SLC38A6: variants seen among roughly 807,000 people sequenced by gnomAD.
SLC38A6 encodes the protein N system amino acid transporter NAT-1.
A neutral mutation model predicts 65.0 loss-of-function variants in SLC38A6; 73 were observed. The observed-to-expected ratio is 1.12, with a 90% CI of 0.93 to 1.37. The LOEUF (loss-of-function observed/expected upper bound fraction) is 1.37. SLC38A6 is among the 40% of genes most tolerant of loss of function. The pLI, the probability that SLC38A6 is intolerant of heterozygous loss-of-function variation, is 0.00. For missense variants in SLC38A6, 561 were observed against 531.1 expected (o/e 1.06, Z -0.55); for synonymous variants, 183 against 178.8 (o/e 1.02, Z -0.19).
chr14:61,013,677 GA>G (rs2039760769), intron 3 of SLC38A6, among the ~76,000 whole-genome samples: 1 of 152,188 alleles, frequency 6.6e-6, no homozygotes, highest in African/African-American at 2.4e-5. Flanking sequence ...ATTCTGGGTT[GA>G]AAATTCTTTT....
At chr14:61,035,978 C>T (rs1247748677) in intron 6 of SLC38A6, among the ~76,000 whole-genome samples, 1 of 151,700 alleles carries the variant, frequency 6.6e-6, no homozygotes, top group East Asian at 1.9e-4. Context: ...GTTAACCTAC[C>T]TTTTTCTCAT....
chr14:60,981,907 T>C (rs2037065699), intron 1 of SLC38A6, among the ~76,000 whole-genome samples: 1 of 152,170 alleles, frequency 6.6e-6, no homozygotes, highest in Non-Finnish European at 1.5e-5. Context: ...GCTTTTTAAC[T>C]CGAGTCCTAG....
At chr14:60,992,974 GT>G (rs1225541102) in intron 3 of SLC38A6, among the ~76,000 whole-genome samples, 1 of 151,850 alleles carries the variant, frequency 6.6e-6, no homozygotes, top group Non-Finnish European at 1.5e-5. Flanking sequence ...AGCCTCCCAA[GT>G]AGCTGGGATT....
chr14:61,081,463 T>A (rs764017362), intron 16 of SLC38A6, among the ~76,000 whole-genome samples: 4 of 152,166 alleles, frequency 2.6e-5, no homozygotes, highest in Non-Finnish European at 4.4e-5. Flanking sequence ...GGTGGTTAGA[T>A]CACCAGAGGT....
intron 3 of SLC38A6, among the ~76,000 whole-genome samples, chr14:60,997,917 A>G (rs747774463): frequency 7.2e-5 from 11 of 152,160 alleles, no homozygotes; most frequent in Non-Finnish European, 1.2e-4. Flanking sequence ...ATGTAGGTGG[A>G]CAAGGCTTAG....
intron 3 of SLC38A6, among the ~76,000 whole-genome samples, chr14:61,007,918 A>T (rs1490090456): frequency 6.6e-6 from 1 of 152,124 alleles, no homozygotes; most frequent in African/African-American, 2.4e-5. Context: ...GATTAAAATA[A>T]TTACTAATTT....
At chr14:61,016,557 T>A (rs911639978) in intron 4 of SLC38A6, among the ~76,000 whole-genome samples, 2 of 152,204 alleles carry the variant, frequency 1.3e-5, no homozygotes, top group South Asian at 4.1e-4. Context: ...GCAGTATTTA[T>A]GGGGCACCCA....
chr14:61,035,456 A>G lies in SLC38A6; in HGVS notation c.483-1603A>G, dbSNP rs11627599. 3.7e-3 allele frequency among the ~76,000 whole-genome samples: 562 copies of G among 152,174 alleles called. 3 individuals are homozygous for G. The highest frequency in any genetic ancestry group is 5.9e-3 in the Non-Finnish European group (404 of 67,986). On this transcript the variant is annotated intron_variant, in intron 6 of 15. Coordinates refer to ENST00000267488, the MANE Select transcript of SLC38A6 (RefSeq NM_153811.3). ...ATATTTTCAAATGTTGGGTATATAG[A>G]GTTTTCCTCCAGCTTCTCAATATTA...
rs200507331 is a variant in SLC38A6 at position 61,006,326 on chromosome 14, ATGAGATCTAATTAAAC to A, written c.311-9576_311-9561del. Among the ~76,000 whole-genome samples, 20 of 152,356 alleles carry A rather than the reference ATGAGATCTAATTAAAC, an allele frequency of 1.3e-4. No homozygotes were observed. In the East Asian group the frequency reaches 2.9e-3, roughly 22 times the overall value. The stretch of plus-strand genomic sequence containing the variant: ...TGGCAACAAAAGCCAAAATTGACAA[ATGAGATCTAATTAAAC>A]TAAAGAGCTTCTTCACAGCAAAAGA... On this transcript the variant is annotated intron_variant, in intron 3 of 15. Coordinates refer to ENST00000267488, the MANE Select transcript of SLC38A6 (RefSeq NM_153811.3).
chr14:60,981,281 G>T lies in SLC38A6; in HGVS notation c.4G>T (p.Glu2Ter). M[E>*]ASWGSFNAER... ...TGGTAGTCAGCTGGAGAGCAGCATG[G>T]AGGCGTCCTGGGGGAGCTTCAACGC... Residue 2 changes from glutamate to a stop codon, truncating the protein, a stop_gained, in exon 1 of 16, where the codon GAG becomes TAG. Transcript: ENST00000267488. LOFTEE classifies it high-confidence loss of function. 1 of 1,603,434 alleles carries T rather than the reference G, an allele frequency of 6.2e-7. No individual in the cohort carries two copies. The highest frequency in any genetic ancestry group is 8.5e-7 in the Non-Finnish European group (1 of 1,175,244).
chr14:61,066,547 G>C (rs548700847), intron 15 of SLC38A6, among the ~76,000 whole-genome samples: 1 of 152,046 alleles, frequency 6.6e-6, no homozygotes, highest in Non-Finnish European at 1.5e-5. Flanking sequence ...TGGATGAAAA[G>C]ACATTGTAAT....
rs763092881 is a variant in SLC38A6 at position 60,984,814 on chromosome 14, A to G, written c.310+11A>G. 1 of 1,612,154 alleles carries G rather than the reference A, an allele frequency of 6.2e-7. No homozygotes were observed. ...TGTGTATTCAGACAGGTGAGTAAAAATGTTATGCTGCTTCATTTAATAAAG... is the reference window on the plus strand; with the variant it reads ...TGTGTATTCAGACAGGTGAGTAAAAGTGTTATGCTGCTTCATTTAATAAAG... On this transcript the variant is annotated intron_variant, in intron 3 of 15. Transcript: ENST00000267488.
At chr14:60,989,949 C>T (rs1436911649) in intron 3 of SLC38A6, among the ~76,000 whole-genome samples, 1 of 152,130 alleles carries the variant, frequency 6.6e-6, no homozygotes, top group Non-Finnish European at 1.5e-5. Context: ...CTTTTCTCTT[C>T]TGTTGAATTC....
chr14:61,045,139 G>A (rs1403110078), intron 10 of SLC38A6, among the ~76,000 whole-genome samples: 1 of 152,092 alleles, frequency 6.6e-6, no homozygotes, highest in Non-Finnish European at 1.5e-5. Flanking sequence ...GGCTAGTACA[G>A]GCAAGCCCAC....
chr14:61,064,712 A>G (rs1263557086), intron 15 of SLC38A6, among the ~76,000 whole-genome samples: 1 of 151,328 alleles, frequency 6.6e-6, no homozygotes, highest in Non-Finnish European at 1.5e-5. Flanking sequence ...CCTGGGAAAT[A>G]TGGGCCTTCT....
chr14:61,053,716 T>C (rs562023164), downstream of SLC38A6, among the ~76,000 whole-genome samples: 69 of 152,322 alleles, frequency 4.5e-4, no homozygotes, highest in South Asian at 0.014. Flanking sequence ...TCATGTCCTT[T>C]GCCCACTTTT....
At chr14:60,990,912 G>T (rs539963831) in intron 3 of SLC38A6, among the ~76,000 whole-genome samples, 1 of 152,220 alleles carries the variant, frequency 6.6e-6, no homozygotes, top group Admixed American at 6.5e-5. Context: ...TCCAACACCA[G>T]CTCAAGCAAT....
At chr14:61,013,359 T>G (rs1023675983) in intron 3 of SLC38A6, among the ~76,000 whole-genome samples, 1 of 152,242 alleles carries the variant, frequency 6.6e-6, no homozygotes, top group Non-Finnish European at 1.5e-5. Context: ...CTGTGTCTTT[T>G]AATTGGAGTA....
intron 3 of SLC38A6, among the ~76,000 whole-genome samples, chr14:60,994,428 C>T (rs1248592541): frequency 6.6e-6 from 1 of 152,016 alleles, no homozygotes; most frequent in Admixed American, 6.6e-5. Context: ...GCCTGTAATC[C>T]CAGCTACTCA....
Sources: gnomAD v4.1 joint callset for allele counts (sites outside exome capture counted in the v4.1 genomes callset) on GRCh38, gnomAD v4.1.1 for gene constraint, MANE v1.5 for transcripts, NCBI Gene and HGNC (gene_info 2026-07-23, HGNC 2026-07-21) for gene names.